CSMD1: variants seen among roughly 807,000 people sequenced by gnomAD.
CSMD1 encodes CUB and Sushi multiple domains 1.
In CSMD1, 213 loss-of-function variants were observed where a neutral mutation model predicts 417.5. The observed-to-expected ratio is 0.51, with a 90% CI of 0.46 to 0.57. The LOEUF is 0.57. Ranked by LOEUF, CSMD1 falls within the 20% of genes least tolerant of loss-of-function variation. CSMD1 has a pLI of 0.00. For missense variants in CSMD1, 6,923 were observed against 4,529.7 expected, an observed-to-expected ratio of 1.53 and a Z score of -15.17; for synonymous variants, 2,862 against 1,736.8, an observed-to-expected ratio of 1.65 and a Z score of -16.11.
chr8:3,678,551 C>A (rs1045248734), intron 7 of CSMD1, among the ~76,000 whole-genome samples: 1 of 152,172 alleles, frequency 6.6e-6, no homozygotes, highest in Non-Finnish European at 1.5e-5. Flanking sequence ...AAGACCAAAT[C>A]TATGTCTGAT....
intron 5 of CSMD1, among the ~76,000 whole-genome samples, chr8:3,944,808 C>A (rs1811113268): frequency 6.6e-6 from 1 of 152,070 alleles, no homozygotes; most frequent in Admixed American, 6.6e-5. Flanking sequence ...TTTTGCGTTT[C>A]TTCCCCCGCC....
intron 3 of CSMD1, among the ~76,000 whole-genome samples, chr8:4,124,137 G>A (rs1032452320): frequency 6.6e-6 from 1 of 152,104 alleles, no homozygotes; most frequent in Non-Finnish European, 1.5e-5. Context: ...GTCAAGTGAT[G>A]AATGTTGTCC....
chr8:4,127,388 T>A (rs1207181950), intron 3 of CSMD1, among the ~76,000 whole-genome samples: 3 of 122,112 alleles, frequency 2.5e-5, no homozygotes, highest in South Asian at 5.1e-4. Flanking sequence ...TGAAAAAAAA[T>A]CTCCAATCTG....
At chr8:3,308,664 G>C (rs1805082293) in intron 23 of CSMD1, among the ~76,000 whole-genome samples, 161 bp from the exon 24 acceptor site, 1 of 151,840 alleles carries the variant, frequency 6.6e-6, no homozygotes. Context: ...GTCTGTACTG[G>C]GGCTATTTGT....
chr8:3,852,496 G>A (rs1024419077), intron 5 of CSMD1, among the ~76,000 whole-genome samples: 6 of 152,188 alleles, frequency 3.9e-5, no homozygotes, highest in Non-Finnish European at 7.3e-5. Flanking sequence ...TATAGAAGAT[G>A]CTGACAGTTG....
chr8:4,604,354 T>A lies in CSMD1; in HGVS notation c.302+32988A>T, dbSNP rs1390546493. Among the ~76,000 whole-genome samples, 5 of 149,652 alleles carry A rather than the reference T, an allele frequency of 3.3e-5. No homozygotes were observed. The East Asian group carries it at 9.9e-4, about 30-fold the overall frequency. On this transcript the variant is annotated intron_variant, in intron 2 of 69. Coordinates refer to ENST00000635120, the MANE Select transcript of CSMD1 (RefSeq NM_033225.6). Reference sequence around the variant, plus strand: ...ATACAATATATATATAATATATTATTCTAGTCTTTACTCTTGACAAATAGC... The same window carrying A: ...ATACAATATATATATAATATATTATACTAGTCTTTACTCTTGACAAATAGC...
At chr8:4,730,474 C>T (rs1368227280) in intron 1 of CSMD1, among the ~76,000 whole-genome samples, 1 of 152,176 alleles carries the variant, frequency 6.6e-6, no homozygotes, top group Non-Finnish European at 1.5e-5. Context: ...GGAGCAGTGG[C>T]TCACACCTGT....
At chr8:4,814,227 T>C (rs1469071656) in intron 1 of CSMD1, among the ~76,000 whole-genome samples, 1 of 152,120 alleles carries the variant, frequency 6.6e-6, no homozygotes, top group African/African-American at 2.4e-5. Flanking sequence ...TGCGTGTGCG[T>C]GTGCGCATGT....
chr8:4,956,283 T>C (rs367925162), intron 1 of CSMD1, among the ~76,000 whole-genome samples: 6 of 152,012 alleles, frequency 3.9e-5, no homozygotes, highest in Non-Finnish European at 1.5e-5. Context: ...CCTTGCATAG[T>C]CTCATAATTT....
At chr8:4,630,870 G>C (rs1212334187) in intron 2 of CSMD1, among the ~76,000 whole-genome samples, 1 of 152,100 alleles carries the variant, frequency 6.6e-6, no homozygotes, top group Non-Finnish European at 1.5e-5. Context: ...CCTGGTTCTG[G>C]GATCCTCCCT....
intron 3 of CSMD1, among the ~76,000 whole-genome samples, chr8:4,038,121 A>G (rs76392945): frequency 6.6e-6 from 1 of 152,124 alleles, no homozygotes; most frequent in Non-Finnish European, 1.5e-5. Context: ...CTACCATTTA[A>G]GGTTTAAAGT....
intron 4 of CSMD1, among the ~76,000 whole-genome samples, chr8:4,027,792 G>A (rs1331013749): frequency 6.6e-6 from 1 of 152,096 alleles, no homozygotes; most frequent in Non-Finnish European, 1.5e-5. Flanking sequence ...AGGCAGAAAT[G>A]GAAGTAAGGC....
chr8:3,771,462 G>C (rs1331467538), intron 5 of CSMD1, among the ~76,000 whole-genome samples: 2 of 152,126 alleles, frequency 1.3e-5, no homozygotes, highest in Non-Finnish European at 2.9e-5. Flanking sequence ...CTGGTGGGGG[G>C]GCAAGCAGGG....
chr8:3,930,529 C>A (rs1563223068), intron 5 of CSMD1, among the ~76,000 whole-genome samples: 1 of 150,240 alleles, frequency 6.7e-6, no homozygotes. Context: ...TGCCTCTTTT[C>A]AAAAGTTCTA....
intron 41 of CSMD1, among the ~76,000 whole-genome samples, chr8:3,126,737 C>A (rs369818189): frequency 6.6e-6 from 1 of 152,204 alleles, no homozygotes; most frequent in Non-Finnish European, 1.5e-5. Flanking sequence ...GTTCTCTTAG[C>A]TCCTAGTCCC....
At chr8:3,144,259 T>C (rs555759325) in intron 40 of CSMD1, among the ~76,000 whole-genome samples, 83 of 148,124 alleles carry the variant, frequency 5.6e-4, no homozygotes, top group Middle Eastern at 7.2e-3. Context: ...GACAAAGGCC[T>C]CACTTTTTCT....
At chr8:4,139,927 T>G (rs1175194849) in intron 3 of CSMD1, among the ~76,000 whole-genome samples, 1 of 150,448 alleles carries the variant, frequency 6.6e-6, no homozygotes, top group Non-Finnish European at 1.5e-5. Flanking sequence ...AGAGGATGGA[T>G]AAAAGGAAGT....
In CSMD1 at chr8:4,140,951, C is replaced by T. The variant is rs148767633; in HGVS notation, c.416-108852G>A. ...AACTTCAACACCAACAACAAAAAGTCCTCGTATCTCAATAAATGGGAAGAA... is the reference window on the plus strand; with the variant it reads ...AACTTCAACACCAACAACAAAAAGTTCTCGTATCTCAATAAATGGGAAGAA... On this transcript the variant is annotated intron_variant, in intron 3 of 69. Transcript: ENST00000635120. Among the ~76,000 whole-genome samples the T allele has an allele frequency of 4.1e-3, 619 of 151,212 alleles. 53 individuals are homozygous for T. Among genetic ancestry groups the T allele is most frequent in the African/African-American group, 0.015 (592 of 40,546 alleles).
chr8:4,384,564 G>A (rs1298641517), intron 3 of CSMD1, among the ~76,000 whole-genome samples: 1 of 152,162 alleles, frequency 6.6e-6, no homozygotes, highest in Non-Finnish European at 1.5e-5. Context: ...TATCAGTGCT[G>A]TAAGCAATGC....
Sources: gnomAD v4.1 joint callset for allele counts (sites outside exome capture counted in the v4.1 genomes callset) on GRCh38, gnomAD v4.1.1 for gene constraint, MANE v1.5 for transcripts, NCBI Gene and HGNC (gene_info 2026-07-23, HGNC 2026-07-21) for gene names.